FAM25G: variants seen among roughly 807,000 people sequenced by gnomAD.
FAM25G encodes the protein protein FAM25G.
FAM25G carries 3 observed loss-of-function variants against 6.4 expected under a neutral mutation model. The ratio of observed to expected loss-of-function variants is 0.47; its 90% CI spans 0.21 to 1.21. The LOEUF (loss-of-function observed/expected upper bound fraction) is 1.21, where lower values mean the gene tolerates loss of function less well. FAM25G is among the 50% of genes most tolerant of loss of function. FAM25G has a pLI of 0.22. For missense variants in FAM25G, 34 were observed against 76.0 expected (o/e 0.45, Z 2.06); for synonymous variants, 15 against 31.3 (o/e 0.48, Z 1.74).
In FAM25G at chr10:47,489,048, T is replaced by C. The variant is rs1311109513; in HGVS notation, c.136+538A>G. ...TTTCTTTTTTTTTGAGACCGAGTCT[T>C]GCTCTGTAGCCCAGGCTGGAGTGCA... is the stretch of plus-strand genomic sequence containing the variant. On this transcript the variant is annotated intron_variant, in intron 2 of 2. Transcript: ENST00000452267. 2.2e-3 allele frequency among the ~76,000 whole-genome samples: 309 copies of C among 142,756 alleles called. 1 individual carries two copies. The highest frequency in any genetic ancestry group is 2.7e-3 in the Non-Finnish European group (175 of 65,988). 93.7% of individuals were successfully genotyped at this position (142,756 alleles called of 152,430 possible).
chr10:47,490,631 CT>C (rs1840134253), intron 1 of FAM25G, among the ~76,000 whole-genome samples: 1 of 143,440 alleles, frequency 7.0e-6, no homozygotes, highest in African/African-American at 2.5e-5. Context: ...CCTGCCTCAG[CT>C]TTTCTCCCAA....
rs1840067552 is a variant in FAM25G at position 47,487,421 on chromosome 10, G to A, written c.137-13C>T. The A allele has an allele frequency of 1.9e-5, 20 of 1,052,418 alleles. No homozygotes were observed. The highest frequency in any genetic ancestry group is 3.3e-4 in the Middle Eastern group (1 of 3,038). The allele number at this position is 1,052,418 out of a possible 1,614,324, so 65.2% of individuals were successfully genotyped here. A position where few individuals can be genotyped will look rare whatever the true frequency, so the allele number is the denominator to read the frequency against. ...GCTTCAGCAATGGCTGTTGGAAAGAGGAAGAATGTCCTAGTGATCCACCTG... is the reference window on the plus strand; with the variant it reads ...GCTTCAGCAATGGCTGTTGGAAAGAAGAAGAATGTCCTAGTGATCCACCTG... On this transcript the variant is annotated splice_polypyrimidine_tract_variant and intron_variant, in intron 2 of 2. Transcript: ENST00000452267.
chr10:47,489,001 C>G (rs1318514118), intron 2 of FAM25G, among the ~76,000 whole-genome samples: 2 of 147,440 alleles, frequency 1.4e-5, no homozygotes, highest in African/African-American at 2.5e-5. Flanking sequence ...AGGCGTGAGC[C>G]ACCGCCCCCA....
chr10:47,487,935 G>T (rs1230597401), intron 2 of FAM25G, among the ~76,000 whole-genome samples: 1 of 151,010 alleles, frequency 6.6e-6, no homozygotes, highest in Non-Finnish European at 1.5e-5. Flanking sequence ...TGTTTACGAT[G>T]TCTTCCCCCT....
At chr10:47,489,109 C>T (rs1840101341) in intron 2 of FAM25G, among the ~76,000 whole-genome samples, 1 of 150,314 alleles carries the variant, frequency 6.7e-6, no homozygotes, top group South Asian at 2.1e-4. Context: ...GCTCTGCCTC[C>T]CAGGTACACA....
At chr10:47,489,013 C>A (rs1347385569) in intron 2 of FAM25G, among the ~76,000 whole-genome samples, 9 of 146,360 alleles carry the variant, frequency 6.1e-5, no homozygotes, top group East Asian at 2.1e-4. Context: ...CCGCCCCCAG[C>A]AATTATTTTT....
At chr10:47,490,280 A>G (rs1162951287) in intron 1 of FAM25G, 1 of 157,150 alleles carries the variant, frequency 6.4e-6, no homozygotes, top group Non-Finnish European at 1.4e-5. Context: ...TCTTATTCTA[A>G]CTCTACCTTC....
rs1424512860 is a variant in FAM25G, at chr10:47,487,790, A to T, written c.137-382T>A. On this transcript the variant is annotated intron_variant, in intron 2 of 2. Coordinates refer to ENST00000452267, the MANE Select transcript of FAM25G (RefSeq NM_001137549.2). ...GTTTATAGTGTTTTTTTTTTTGGCTATAGAAAATTTCAGTTTTGGATTGTC... is the reference window on the plus strand; with the variant it reads ...GTTTATAGTGTTTTTTTTTTTGGCTTTAGAAAATTTCAGTTTTGGATTGTC... Among the ~76,000 whole-genome samples, 4 of 142,720 alleles carry T rather than the reference A, an allele frequency of 2.8e-5. 1 individual carries two copies. The East Asian group carries it at 7.0e-4, about 25-fold the overall frequency. The allele number at this position is 142,720 out of a possible 152,430, so 93.6% of individuals were successfully genotyped here. A position where few individuals can be genotyped will look rare whatever the true frequency, so the allele number is the denominator to read the frequency against.
Position 47,488,206 on chromosome 10 carries a change from G to A in FAM25G, c.137-798C>T, listed in dbSNP as rs1391427969. 6.7e-3 allele frequency among the ~76,000 whole-genome samples: 889 copies of A among 133,292 alleles called. 12 individuals carry two copies. Among genetic ancestry groups the A allele is most frequent in the Non-Finnish European group, 9.8e-3 (616 of 63,050 alleles). The allele number at this position is 133,292 out of a possible 152,430, so 87.4% of individuals were successfully genotyped here. On this transcript the variant is annotated intron_variant, in intron 2 of 2. Transcript: ENST00000452267. ...ATTTCTGTTGTTTCTAAGTCACCCA[G>A]TTTATGGTTTGTTTTTGTTTTTGAG... is the stretch of plus-strand genomic sequence containing the variant.
intron 2 of FAM25G, among the ~76,000 whole-genome samples, chr10:47,488,713 A>ATT (rs1160121365): frequency 0.12 from 7,495 of 62,214 alleles, 994 homozygotes; most frequent in South Asian, 0.18. Context: ...TACATGTTAA[A>ATT]TTTTTTTTTT....
rs1183963123 is a variant in FAM25G at position 47,491,675 on chromosome 10, C to A, written c.-1G>T. 4 of 1,533,554 alleles carry A rather than the reference C, an allele frequency of 2.6e-6. No homozygotes were observed. The highest frequency in any genetic ancestry group is 1.2e-5 in the South Asian group (1 of 83,474). The allele number at this position is 1,533,554 out of a possible 1,614,324, so 95.0% of individuals were successfully genotyped here. The stretch of plus-strand genomic sequence containing the variant: ...CCAGCTTCCCCAGGCCTCCCAGCAT[C>A]GTGTGGCAGCAGACAGTGGCGAACT... On this transcript the variant is annotated 5_prime_UTR_variant, in exon 1 of 3. Coordinates refer to ENST00000452267, the MANE Select transcript of FAM25G (RefSeq NM_001137549.2).
rs1207162674 is a variant in FAM25G, at chr10:47,491,624, G to A, written c.51C>T (p.Thr17=). The change falls in exon 1 of 3, where the codon ACC becomes ACT. Residue 17 remains threonine, a synonymous_variant. Coordinates refer to ENST00000452267, the MANE Select transcript of FAM25G (RefSeq NM_001137549.2). ...KLAAEGLAHR[T]EKATEGAIHA... ...CACTGGCTCCCTCGGTGGCCTTCTC[G>A]GTGCGGTGGGCCAGGCCCTCGGCAG... 49 of 1,535,104 alleles carry A rather than the reference G, an allele frequency of 3.2e-5. No individual in the cohort carries two copies. The highest frequency in any genetic ancestry group is 8.0e-5 in the Admixed American group (4 of 50,264).
intron 1 of FAM25G, among the ~76,000 whole-genome samples, chr10:47,490,098 C>A (rs1222600243): frequency 6.6e-6 from 1 of 150,740 alleles, no homozygotes; most frequent in Non-Finnish European, 1.5e-5. Context: ...ACACCCCTCT[C>A]AGGATGTGCT....
At chr10:47,488,488 G>A (rs1840084907) in intron 2 of FAM25G, among the ~76,000 whole-genome samples, 1 of 150,716 alleles carries the variant, frequency 6.6e-6, no homozygotes, top group African/African-American at 2.5e-5. Flanking sequence ...TAGGATTACA[G>A]GCGTGAGCCA....
Position 47,491,587 on chromosome 10 carries a change from G to A in FAM25G, c.73+15C>T. The A allele has an allele frequency of 6.6e-7, 1 of 1,509,288 alleles. No homozygotes were observed. Among genetic ancestry groups the A allele is most frequent in the Non-Finnish European group, 8.9e-7 (1 of 1,120,172 alleles). 93.5% of individuals were successfully genotyped at this position (1,509,288 alleles called of 1,614,324 possible). On this transcript the variant is annotated intron_variant, in intron 1 of 2. Coordinates refer to ENST00000452267, the MANE Select transcript of FAM25G (RefSeq NM_001137549.2). Reference sequence around the variant, plus strand: ...ATCCCCCCAGCCCAGGTAGAAAGGAGCCCTGGGTCCTCACTGGCTCCCTCG... The same window carrying A: ...ATCCCCCCAGCCCAGGTAGAAAGGAACCCTGGGTCCTCACTGGCTCCCTCG...
chr10:47,489,967 A>G (rs1310030596), intron 1 of FAM25G, among the ~76,000 whole-genome samples: 4,232 of 150,506 alleles, frequency 0.028, 249 homozygotes, highest in African/African-American at 0.098. Context: ...GACGAGCTCA[A>G]TGAGCCCCAT....
chr10:47,487,617 T>C (rs1840070658), intron 2 of FAM25G, among the ~76,000 whole-genome samples: 1 of 137,466 alleles, frequency 7.3e-6, no homozygotes, highest in Non-Finnish European at 1.6e-5. Flanking sequence ...AGACTGAGCA[T>C]CTACTCATGG....
At chr10:47,489,059 C>T (rs1840100411) in intron 2 of FAM25G, among the ~76,000 whole-genome samples, 1 of 148,690 alleles carries the variant, frequency 6.7e-6, no homozygotes, top group African/African-American at 2.5e-5. Flanking sequence ...GCTCTGTAGC[C>T]CAGGCTGGAG....
At position 47,491,630 on chromosome 10, in the gene FAM25G, G is replaced by A. The variant is rs1281371154; in HGVS notation, c.45C>T (p.His15=). The change falls in exon 1 of 3, where the codon CAC becomes CAT. Residue 15 remains histidine (H), a synonymous_variant. Transcript: ENST00000452267. ...CTCCCTCGGTGGCCTTCTCGGTGCG[G>A]TGGGCCAGGCCCTCGGCAGCCAGCT... ...LGKLAAEGLA[H]RTEKATEGAI... 44 of 1,537,944 alleles carry A rather than the reference G, an allele frequency of 2.9e-5. No homozygotes were observed. The highest frequency in any genetic ancestry group is 3.5e-5 in the Non-Finnish European group (40 of 1,140,584).
Sources: gnomAD v4.1 joint callset for allele counts (sites outside exome capture counted in the v4.1 genomes callset) on GRCh38, gnomAD v4.1.1 for gene constraint, MANE v1.5 for transcripts, NCBI Gene and HGNC (gene_info 2026-07-23, HGNC 2026-07-21) for gene names.